The following RAB11FIP3 variants were observed in gnomAD, a reference collection of about 807,000 sequenced individuals.
RAB11FIP3 encodes rab11 family-interacting protein 3.
In RAB11FIP3, 17 loss-of-function variants were observed where a neutral mutation model predicts 77.8. The ratio of observed to expected loss-of-function variants is 0.22; its 90% CI spans 0.15 to 0.33. The LOEUF (loss-of-function observed/expected upper bound fraction) is 0.33. Among genes scored for constraint, RAB11FIP3 ranks in the 10% least tolerant of loss-of-function variants. The pLI is 1.00. For missense variants in RAB11FIP3, 1,005 were observed against 1,011.2 expected (o/e 0.99, Z 0.08); for synonymous variants, 437 against 448.2 (o/e 0.98, Z 0.31).
At chr16:496,970 G>T (rs1202241195) in intron 6 of RAB11FIP3, 111 bp downstream of exon 6, 10 of 1,229,910 alleles carry the variant, frequency 8.1e-6, no homozygotes, top group Non-Finnish European at 1.1e-5. Context: ...TTAAACTCTT[G>T]CAAGTTACTT....
Position 472,706 on chromosome 16 carries a change from A to G in RAB11FIP3, c.903+1317A>G, listed in dbSNP as rs1409634518. Among the ~76,000 whole-genome samples, 1 of 152,062 alleles carries G rather than the reference A, an allele frequency of 6.6e-6. No individual in the cohort carries two copies. The highest frequency in any genetic ancestry group is 1.5e-5 in the Non-Finnish European group (1 of 68,010). On this transcript the variant is annotated intron_variant, in intron 3 of 13. Coordinates refer to ENST00000262305, the MANE Select transcript of RAB11FIP3 (RefSeq NM_014700.4). This position sits in a 1 kb window ranked among gnomAD's most constrained non-coding sequence, Gnocchi z 4.1. ...GTTCCCCTCTCATGTTTGTTAGGGC[A>G]TTGTTGATTGTTTATATCCTATGTA...
chr16:437,462 C>G (rs1375487503), intron 1 of RAB11FIP3, among the ~76,000 whole-genome samples: 1 of 136,540 alleles, frequency 7.3e-6, no homozygotes, highest in African/African-American at 2.8e-5. Flanking sequence ...CCCAGCTACT[C>G]AGGAGGCTGA....
At chr16:457,840 T>G (rs192918783) in intron 1 of RAB11FIP3, among the ~76,000 whole-genome samples, 36 of 152,344 alleles carry the variant, frequency 2.4e-4, no homozygotes, top group African/African-American at 7.9e-4. Context: ...CAGTCTGGAC[T>G]CCGGATTAGG....
intron 5 of RAB11FIP3, among the ~76,000 whole-genome samples, chr16:491,992 G>A (rs1287676261): frequency 6.6e-6 from 1 of 152,194 alleles, no homozygotes; most frequent in Non-Finnish European, 1.5e-5. Flanking sequence ...CCTGTGGGGA[G>A]GGTTTGTAAA....
intron 1 of RAB11FIP3, among the ~76,000 whole-genome samples, chr16:433,499 C>T (rs1007389549): frequency 4.6e-5 from 7 of 151,902 alleles, no homozygotes; most frequent in Admixed American, 3.9e-4. Flanking sequence ...ACATAATGAC[C>T]TCCATTTCCT....
Position 488,915 on chromosome 16 carries a change from G to T in RAB11FIP3, c.1180G>T (p.Gly394Cys). 6.2e-7 allele frequency: 1 copy of T among 1,614,032 alleles called. No individual in the cohort carries two copies. Among genetic ancestry groups the T allele is most frequent in the Non-Finnish European group, 8.5e-7 (1 of 1,179,998 alleles). ...IGGEEHFEDY[G>C]EGSEAELSPE... ...GGGCGAGGAGCACTTTGAGGACTAC[G>T]GTGAAGGCAGTGAGGCGGAGCTGTC... Residue 394 changes from glycine to cysteine, a missense_variant, in exon 5 of 14, where the codon GGT becomes TGT. Transcript: ENST00000262305.
At chr16:518,743 T>A (rs191502218) in intron 9 of RAB11FIP3, among the ~76,000 whole-genome samples, 200 bp from the exon 10 acceptor site, 2,060 of 150,950 alleles carry the variant, frequency 0.014, 43 homozygotes, top group African/African-American at 0.049. Context: ...AATAAAAAAA[T>A]AATACTAAAA....
chr16:455,006 C>T (rs12933135), intron 1 of RAB11FIP3, among the ~76,000 whole-genome samples: 58,262 of 146,408 alleles, frequency 0.4, 12,994 homozygotes, highest in Middle Eastern at 0.54. Context: ...GCCGAGATTG[C>T]ACTACTGCAC....
At chr16:486,077 T>A (rs761560415) in intron 4 of RAB11FIP3, among the ~76,000 whole-genome samples, 6 of 152,366 alleles carry the variant, frequency 3.9e-5, no homozygotes, top group Admixed American at 2.0e-4. Flanking sequence ...AATTTTTTTG[T>A]ATTTTTGGTA....
At chr16:488,745 T>C in intron 4 of RAB11FIP3, 106 bp from the exon 5 acceptor site, 1 of 997,610 alleles carries the variant, frequency 1.0e-6, no homozygotes, top group Non-Finnish European at 1.4e-6. Context: ...CTCCCAGGAC[T>C]CACGTGTGGC....
chr16:447,399 G>A (rs2055334911), intron 1 of RAB11FIP3, among the ~76,000 whole-genome samples: 1 of 152,166 alleles, frequency 6.6e-6, no homozygotes, highest in Non-Finnish European at 1.5e-5. Flanking sequence ...CTCCTGAGTA[G>A]CTGGGACTAC....
chr16:494,538 C>A (rs1401074557), intron 5 of RAB11FIP3, among the ~76,000 whole-genome samples: 1 of 151,864 alleles, frequency 6.6e-6, no homozygotes, highest in East Asian at 1.9e-4. Context: ...CGGAGAATGG[C>A]GTGAACCCGG....
intron 6 of RAB11FIP3, among the ~76,000 whole-genome samples, chr16:499,664 C>T (rs2141844158): frequency 6.6e-6 from 1 of 151,524 alleles, no homozygotes; most frequent in East Asian, 2.0e-4. Flanking sequence ...GGCATGGTGG[C>T]ACACATGCCT....
chr16:500,557 AGGTGCCT>A (rs1320810078), intron 6 of RAB11FIP3, among the ~76,000 whole-genome samples: 3 of 151,788 alleles, frequency 2.0e-5, no homozygotes, highest in Non-Finnish European at 4.4e-5. Context: ...GCATGGTGGC[AGGTGCCT>A]GTAATCCCAG....
chr16:501,510 T>C (rs1329364309), intron 6 of RAB11FIP3, among the ~76,000 whole-genome samples: 33 of 92,324 alleles, frequency 3.6e-4, no homozygotes, highest in South Asian at 7.5e-4. Context: ...CCCCATTTCA[T>C]AGGCAAGGAA....
In RAB11FIP3 at chr16:521,050, C is replaced by CA. The variant is rs2032663516; in HGVS notation, c.*212dup. On this transcript the variant is annotated 3_prime_UTR_variant, in exon 14 of 14. Coordinates refer to ENST00000262305, the MANE Select transcript of RAB11FIP3 (RefSeq NM_014700.4). Reference sequence around the variant, plus strand: ...AGAGGAGAGGGAGAAAGGGAAGTCCCAGGGCCCGGGGTCCACAGAGGATGA... The same window carrying CA: ...AGAGGAGAGGGAGAAAGGGAAGTCCCAAGGGCCCGGGGTCCACAGAGGATGA... 1.7e-6 allele frequency: 1 copy of CA among 589,818 alleles called. No individual in the cohort carries two copies. Among genetic ancestry groups the CA allele is most frequent in the Admixed American group, 2.9e-5 (1 of 33,972 alleles). 36.5% of individuals were successfully genotyped at this position (589,818 alleles called of 1,614,324 possible). A position where few individuals can be genotyped will look rare whatever the true frequency, so the allele number is the denominator to read the frequency against.
At chr16:487,217 G>A (rs907048938) in intron 4 of RAB11FIP3, among the ~76,000 whole-genome samples, 1 of 147,866 alleles carries the variant, frequency 6.8e-6, no homozygotes, top group Non-Finnish European at 1.5e-5. Flanking sequence ...TGCCATCTCC[G>A]CCTCCCAGGT....
intron 4 of RAB11FIP3, among the ~76,000 whole-genome samples, chr16:488,349 C>A (rs2056201626): frequency 6.6e-6 from 1 of 152,068 alleles, no homozygotes; most frequent in Non-Finnish European, 1.5e-5. Context: ...GACTGCACTC[C>A]AGCCTGGGCG....
rs1567391823 is a variant in RAB11FIP3, at chr16:492,369, GA to G, written c.1265+3370del. 1.6e-3 allele frequency among the ~76,000 whole-genome samples: 237 copies of G among 145,114 alleles called. 4 individuals carry two copies. The highest frequency in any genetic ancestry group is 2.3e-3 in the Non-Finnish European group (149 of 64,886). On this transcript the variant is annotated intron_variant, in intron 5 of 13. Coordinates refer to ENST00000262305, the MANE Select transcript of RAB11FIP3 (RefSeq NM_014700.4). Reference sequence around the variant, plus strand: ...TGCTCTTTGAAGAGGGTCTTCCCGGGAGACCCGAGGCCGCCCAGAGCCCTCC... The same window carrying G: ...TGCTCTTTGAAGAGGGTCTTCCCGGGGACCCGAGGCCGCCCAGAGCCCTCC...
Sources: gnomAD v4.1 joint callset for allele counts (sites outside exome capture counted in the v4.1 genomes callset) on GRCh38, gnomAD v4.1.1 for gene constraint, Gnocchi (gnomAD v3.1) non-coding constraint, MANE v1.5 for transcripts, NCBI Gene and HGNC (gene_info 2026-07-23, HGNC 2026-07-21) for gene names.